CDKAL1: variants seen among roughly 807,000 people sequenced by gnomAD.
CDKAL1 encodes the protein threonylcarbamoyladenosine tRNA methylthiotransferase.
CDKAL1 carries 32 observed loss-of-function variants against 68.2 expected under a neutral mutation model. That is an observed-to-expected ratio of 0.47 (90% confidence interval 0.35 to 0.63). CDKAL1 has a LOEUF of 0.63. Ranked by LOEUF, CDKAL1 falls within the 30% of genes least tolerant of loss-of-function variation. The pLI is 0.00. For missense variants in CDKAL1, 606 were observed against 696.7 expected, an observed-to-expected ratio of 0.87 and a Z score of 1.47; for synonymous variants, 234 against 244.3, an observed-to-expected ratio of 0.96 and a Z score of 0.39.
chr6:20,594,132 C>T (rs925073439), intron 4 of CDKAL1, among the ~76,000 whole-genome samples: 3 of 152,142 alleles, frequency 2.0e-5, no homozygotes, highest in Admixed American at 2.0e-4. Context: ...TGATGTGGTG[C>T]TGAGAAGAAT....
intron 10 of CDKAL1, among the ~76,000 whole-genome samples, chr6:20,968,766 T>G (rs771632382): frequency 6.6e-6 from 1 of 152,224 alleles, no homozygotes; most frequent in East Asian, 1.9e-4. Context: ...TTATTATTTC[T>G]GTCTCATTAT....
At chr6:20,658,750 C>T (rs1769146484) in intron 5 of CDKAL1, among the ~76,000 whole-genome samples, 1 of 152,146 alleles carries the variant, frequency 6.6e-6, no homozygotes, top group Admixed American at 6.5e-5. Flanking sequence ...AAAAAAAACC[C>T]TTTCCAGTTC....
chr6:20,670,979 C>T (rs73732730), intron 5 of CDKAL1, among the ~76,000 whole-genome samples: 14,065 of 152,110 alleles, frequency 0.092, 2,087 homozygotes, highest in African/African-American at 0.31. Flanking sequence ...AACTGTGTGG[C>T]AGTGAGTGAA....
chr6:20,964,376 A>G (rs1227411256), intron 10 of CDKAL1, among the ~76,000 whole-genome samples: 2 of 152,224 alleles, frequency 1.3e-5, no homozygotes, highest in African/African-American at 4.8e-5. Context: ...TCATAGGAGC[A>G]GTATTCACAA....
intron 11 of CDKAL1, among the ~76,000 whole-genome samples, chr6:21,015,411 A>C (rs911425258): frequency 6.6e-6 from 1 of 152,318 alleles, no homozygotes; most frequent in Non-Finnish European, 1.5e-5. Flanking sequence ...TTTATAGAAA[A>C]TACTATTATA....
At chr6:20,776,553 A>G (rs1451516118) in intron 7 of CDKAL1, among the ~76,000 whole-genome samples, 6 of 152,230 alleles carry the variant, frequency 3.9e-5, no homozygotes, top group African/African-American at 9.6e-5. Flanking sequence ...GCGATGAAAC[A>G]TGTATATAAC....
Position 20,551,738 on chromosome 6 carries a change from A to C in CDKAL1, c.286+3033A>C, listed in dbSNP as rs1473077072. 2.0e-5 allele frequency among the ~76,000 whole-genome samples: 3 copies of C among 152,130 alleles called. No individual in the cohort carries two copies. The East Asian group carries it at 5.8e-4, about 29-fold the overall frequency. The stretch of plus-strand genomic sequence containing the variant: ...TCTTTAGATGGCAAAATGAGTCTTA[A>C]TATTTCTGTCCTTTAAGTTAAAAAT... On this transcript the variant is annotated intron_variant, in intron 4 of 15. Transcript: ENST00000274695.
intron 8 of CDKAL1, among the ~76,000 whole-genome samples, chr6:20,784,931 G>T (rs553105406): frequency 4.0e-5 from 6 of 151,800 alleles, no homozygotes; most frequent in African/African-American, 1.5e-4. Flanking sequence ...TTTGCTTTAG[G>T]TAACCATTTT....
At chr6:20,619,057 GT>G (rs1483652027) in intron 4 of CDKAL1, among the ~76,000 whole-genome samples, 1 of 152,038 alleles carries the variant, frequency 6.6e-6, no homozygotes, top group Non-Finnish European at 1.5e-5. Flanking sequence ...ATAAATTTCA[GT>G]TTAGATTATA....
intron 8 of CDKAL1, among the ~76,000 whole-genome samples, chr6:20,785,314 CTTTTTTTT>C (rs5874783): frequency 3.1e-5 from 3 of 96,102 alleles, no homozygotes; most frequent in Non-Finnish European, 6.4e-5. Context: ...ATTTCTTTTT[CTTTTTTTT>C]TTTTTTTTTT....
intron 13 of CDKAL1, among the ~76,000 whole-genome samples, chr6:21,121,810 G>A (rs1175730694): frequency 2.0e-5 from 3 of 152,216 alleles, no homozygotes; most frequent in Non-Finnish European, 4.4e-5. Context: ...TTCTTGACAT[G>A]TGGGAGGTGC....
chr6:21,009,658 T>G (rs1002163400), intron 11 of CDKAL1, among the ~76,000 whole-genome samples: 10 of 152,200 alleles, frequency 6.6e-5, no homozygotes, highest in African/African-American at 2.4e-4. Flanking sequence ...CAGAATACTA[T>G]TCAACCATAA....
chr6:20,933,111 CA>C (rs1352970945), intron 9 of CDKAL1, among the ~76,000 whole-genome samples: 1 of 152,170 alleles, frequency 6.6e-6, no homozygotes, highest in East Asian at 1.9e-4. Context: ...CCCTCTGAAT[CA>C]CAAAAACTCC....
intron 11 of CDKAL1, among the ~76,000 whole-genome samples, chr6:21,028,984 G>A (rs1359499284): frequency 1.3e-5 from 2 of 151,876 alleles, no homozygotes; most frequent in East Asian, 1.9e-4. Flanking sequence ...ACTGTGCTTC[G>A]GGCTATTTTC....
At chr6:20,904,747 G>A (rs1345268215) in intron 9 of CDKAL1, among the ~76,000 whole-genome samples, 4 of 151,614 alleles carry the variant, frequency 2.6e-5, no homozygotes, top group African/African-American at 9.7e-5. Flanking sequence ...CGAGATTGCG[G>A]CATTGCACTC....
intron 9 of CDKAL1, among the ~76,000 whole-genome samples, chr6:20,940,230 T>C (rs980074034): frequency 6.6e-6 from 1 of 152,168 alleles, no homozygotes; most frequent in Non-Finnish European, 1.5e-5. Flanking sequence ...TATACATAAA[T>C]GAAGCACAAA....
At chr6:21,048,939 AAAGC>A (rs1368507360) in intron 11 of CDKAL1, among the ~76,000 whole-genome samples, 1 of 152,150 alleles carries the variant, frequency 6.6e-6, no homozygotes, top group Non-Finnish European at 1.5e-5. Context: ...TGAAAAAAAT[AAAGC>A]AAGAGAGAAA....
At chr6:20,617,395 G>A (rs960059748) in intron 4 of CDKAL1, among the ~76,000 whole-genome samples, 8 of 152,114 alleles carry the variant, frequency 5.3e-5, no homozygotes. Context: ...TAATAAAGAA[G>A]TGCTTCAAAT....
chr6:20,545,978 A>G (rs1179201266), intron 2 of CDKAL1, among the ~76,000 whole-genome samples: 1 of 152,228 alleles, frequency 6.6e-6, no homozygotes, highest in Non-Finnish European at 1.5e-5. Context: ...CTTGACAGAC[A>G]AAGAAGAAAC....
Sources: gnomAD v4.1 joint callset for allele counts (sites outside exome capture counted in the v4.1 genomes callset) on GRCh38, gnomAD v4.1.1 for gene constraint, MANE v1.5 for transcripts, NCBI Gene and HGNC (gene_info 2026-07-23, HGNC 2026-07-21) for gene names.